Variants in OR2M2 observed in about 807,000 individuals in gnomAD.
OR2M2 encodes the protein olfactory receptor 2M2.
For synonymous variants in OR2M2, 168 were observed against 151.7 expected (o/e 1.11, Z -0.79); for missense variants, 467 against 429.9 (o/e 1.09, Z -0.76).
rs763308358 is a variant in OR2M2, at chr1:248,179,978, C to T, written c.-8C>T. 3.7e-6 allele frequency: 6 copies of T among 1,603,668 alleles called. No individual in the cohort carries two copies. In the Admixed American group the frequency reaches 1.0e-4, roughly 27 times the overall value. ...GTTTTGTGGTACTAGGTAAAAAGCA[C>T]ATTCATCATGGCATGGGAGAATCAG... On this transcript the variant is annotated 5_prime_UTR_variant, in exon 2 of 2. Transcript: ENST00000641836.
chr1:248,176,491 C>G (rs1220433122), intron 1 of OR2M2, among the ~76,000 whole-genome samples: 1 of 151,878 alleles, frequency 6.6e-6, no homozygotes, highest in African/African-American at 2.4e-5. Flanking sequence ...ACTTGTCAGG[C>G]AATGTCTAAT....
chr1:248,179,792 T>A (rs1282568735), intron 1 of OR2M2, among the ~76,000 whole-genome samples, 176 bp from the exon 2 acceptor site: 1 of 152,234 alleles, frequency 6.6e-6, no homozygotes, highest in Non-Finnish European at 1.5e-5. Context: ...ATTTTATAAG[T>A]GATGCTGTAT....
At chr1:248,179,719 T>G (rs11204597) in intron 1 of OR2M2, among the ~76,000 whole-genome samples, 88,719 of 152,050 alleles carry the variant, frequency 0.58, 26,516 homozygotes, top group Non-Finnish European at 0.65. Context: ...TTATTAGATA[T>G]TTTTATTCTA....
At chr1:248,176,085 G>T (rs1372298018) in intron 1 of OR2M2, among the ~76,000 whole-genome samples, 1 of 152,060 alleles carries the variant, frequency 6.6e-6, no homozygotes, top group East Asian at 1.9e-4. Flanking sequence ...TGTTACAAAA[G>T]GGTAAAGTCA....
chr1:248,179,916 A>G, intron 1 of OR2M2, 52 bp from the exon 2 acceptor site: 8 of 1,509,030 alleles, frequency 5.3e-6, no homozygotes, highest in Non-Finnish European at 7.2e-6. Context: ...CACGATTTAT[A>G]AGACACTGGG....
intron 1 of OR2M2, among the ~76,000 whole-genome samples, chr1:248,179,542 T>C (rs1026970337): frequency 2.0e-5 from 3 of 152,204 alleles, no homozygotes; most frequent in African/African-American, 4.8e-5. Flanking sequence ...AAACTGCCTA[T>C]TATGAGAGCG....
At chr1:248,177,715 G>T (rs908769243) in intron 1 of OR2M2, among the ~76,000 whole-genome samples, 1 of 152,042 alleles carries the variant, frequency 6.6e-6, no homozygotes, top group Non-Finnish European at 1.5e-5. Context: ...CATAACAAGG[G>T]AAACTTAGGG....
At chr1:248,179,830 A>G (rs1030369732) in intron 1 of OR2M2, 138 bp from the exon 2 acceptor site, 23 of 726,506 alleles carry the variant, frequency 3.2e-5, no homozygotes, top group South Asian at 1.2e-4. Context: ...TTCAGATTCT[A>G]TACTTCTTGA....
In OR2M2 at chr1:248,174,858, A is replaced by G. The variant is rs1319093471; in HGVS notation, c.-32A>G. Reference sequence around the variant, plus strand: ...CACATTGAAAATACACACTATTCAGATCAGTACTAAGAGGTAAGTTAACTA... The same window carrying G: ...CACATTGAAAATACACACTATTCAGGTCAGTACTAAGAGGTAAGTTAACTA... On this transcript the variant is annotated 5_prime_UTR_variant, in exon 1 of 2. Transcript: ENST00000641836. 2.0e-5 allele frequency: 3 copies of G among 152,178 alleles called. No homozygotes were observed. The highest frequency in any genetic ancestry group is 4.4e-5 in the Non-Finnish European group (3 of 68,006). 9.4% of individuals were successfully genotyped at this position (152,178 alleles called of 1,614,324 possible).
intron 1 of OR2M2, among the ~76,000 whole-genome samples, chr1:248,175,635 G>T (rs1455863894): frequency 6.6e-6 from 1 of 151,976 alleles, no homozygotes; most frequent in Non-Finnish European, 1.5e-5. Context: ...CTCTTCTAAA[G>T]CATTTACACA....
intron 1 of OR2M2, among the ~76,000 whole-genome samples, chr1:248,178,247 T>C (rs147804584): frequency 6.6e-6 from 1 of 152,152 alleles, no homozygotes; most frequent in East Asian, 1.9e-4. Flanking sequence ...CTTTCATTGT[T>C]GTTTTTAGTC....
Position 248,180,567 on chromosome 1 carries a change from A to G in OR2M2, c.582A>G (p.Ile194Met), listed in dbSNP as rs1282102198. 2.5e-6 allele frequency: 4 copies of G among 1,613,724 alleles called. No homozygotes were observed. In the Admixed American group the frequency reaches 6.7e-5, roughly 27 times the overall value. The change falls in exon 2 of 2, where the codon ATA (isoleucine) becomes ATG (methionine). Residue 194 changes from isoleucine (I) to methionine (M), a missense_variant. By Grantham distance (10) the Ile-to-Met change is conservative. Coordinates refer to ENST00000641836, the MANE Select transcript of OR2M2 (RefSeq NM_001004688.2). ...TCCTCTCATGCAATGACACATCAAT[A>G]TTTGAAGAGGTTATTTTCATCTGCT... ...LLILSCNDTS[I>M]FEEVIFICCI...
intron 1 of OR2M2, among the ~76,000 whole-genome samples, chr1:248,175,534 A>C (rs1021521240): frequency 6.6e-6 from 1 of 152,164 alleles, no homozygotes; most frequent in Non-Finnish European, 1.5e-5. Flanking sequence ...AAAGTCTGAA[A>C]AAAGCCTGAA....
intron 1 of OR2M2, among the ~76,000 whole-genome samples, chr1:248,175,198 A>G (rs1385125635): frequency 6.6e-6 from 1 of 152,126 alleles, no homozygotes; most frequent in East Asian, 1.9e-4. Flanking sequence ...ACAGGATATA[A>G]CCAAATGATT....
chr1:248,179,362 C>T (rs1665896951), intron 1 of OR2M2, among the ~76,000 whole-genome samples: 1 of 152,192 alleles, frequency 6.6e-6, no homozygotes, highest in Non-Finnish European at 1.5e-5. Context: ...ATAATTCAAT[C>T]CATAACACTG....
chr1:248,180,753 G>T lies in OR2M2; in HGVS notation c.768G>T (p.Leu256Phe), dbSNP rs1298072331. 5 of 1,613,788 alleles carry T rather than the reference G, an allele frequency of 3.1e-6. No individual in the cohort carries two copies. Among genetic ancestry groups the T allele is most frequent in the Non-Finnish European group, 3.4e-6 (4 of 1,179,854 alleles). The change falls in exon 2 of 2, where the codon TTG (leucine) becomes TTT (phenylalanine). Residue 256 changes from leucine to phenylalanine, a missense_variant. Leu to Phe is a conservative substitution (Grantham distance 22). Coordinates refer to ENST00000641836, the MANE Select transcript of OR2M2 (RefSeq NM_001004688.2). ...MVVGMYYGAA[L>F]FMYIRPTSDH... ...TGGGAATGTACTATGGAGCAGCTTT[G>T]TTCATGTACATACGGCCCACATCTG...
intron 1 of OR2M2, among the ~76,000 whole-genome samples, chr1:248,175,575 G>A (rs529374339): frequency 3.3e-5 from 5 of 152,044 alleles, no homozygotes; most frequent in South Asian, 4.2e-4. Flanking sequence ...CAAGCATTTC[G>A]GATAAGGAAT....
chr1:248,175,711 A>G (rs1665850394), intron 1 of OR2M2, among the ~76,000 whole-genome samples: 1 of 152,160 alleles, frequency 6.6e-6, no homozygotes, highest in Non-Finnish European at 1.5e-5. Flanking sequence ...TGTTACGTCT[A>G]TATTTTGTAA....
intron 1 of OR2M2, among the ~76,000 whole-genome samples, 165 bp downstream of exon 1, chr1:248,175,036 G>A (rs555998181): frequency 9.9e-5 from 15 of 152,166 alleles, no homozygotes; most frequent in South Asian, 8.3e-4. Context: ...ATGTGGTATC[G>A]CTTTAGGCAG....
Sources: gnomAD v4.1 joint callset for allele counts (sites outside exome capture counted in the v4.1 genomes callset) on GRCh38, gnomAD v4.1.1 for gene constraint, MANE v1.5 for transcripts, NCBI Gene and HGNC (gene_info 2026-07-23, HGNC 2026-07-21) for gene names.